Variants in FRMPD4 observed in about 807,000 individuals in gnomAD.
FRMPD4 encodes the protein FERM and PDZ domain-containing protein 4.
In FRMPD4, 22 loss-of-function variants were observed where a neutral mutation model predicts 94.1. The ratio of observed to expected loss-of-function variants is 0.23; its 90% CI spans 0.17 to 0.33. The LOEUF (loss-of-function observed/expected upper bound fraction) is 0.33, where lower values mean the gene tolerates loss of function less well. Among genes scored for constraint, FRMPD4 ranks in the 10% least tolerant of loss-of-function variants. The probability of loss-of-function intolerance (pLI) is 1.00; values close to 1 mark genes in which losing one functional copy is unlikely to be tolerated. For missense variants in FRMPD4, 1,111 were observed against 1,339.9 expected (o/e 0.83, Z 2.67); for synonymous variants, 631 against 548.6 (o/e 1.15, Z -2.10).
intron 3 of FRMPD4, among the ~76,000 whole-genome samples, chrX:12,097,661 A>T (rs1302363470): frequency 1.8e-5 from 2 of 112,476 alleles, no homozygotes; most frequent in Admixed American, 1.9e-4. Context: ...AGAACAATGC[A>T]ACTGGAATAA....
At chrX:11,909,834 G>T (rs928548938) in intron 3 of FRMPD4, among the ~76,000 whole-genome samples, 5 of 110,170 alleles carry the variant, frequency 4.5e-5, no homozygotes, top group African/African-American at 1.3e-4. Flanking sequence ...ATGTGTGAGA[G>T]ATTTTCCTAG....
chrX:12,088,589 C>T (rs1005541847), intron 3 of FRMPD4, among the ~76,000 whole-genome samples: 1 of 111,771 alleles, frequency 8.9e-6, no homozygotes, highest in Non-Finnish European at 1.9e-5. Context: ...AGTGTGTTTA[C>T]CAAAAGACTA....
Position 12,583,581 on chromosome X carries a change from C to A in FRMPD4, c.159-26140C>A, listed in dbSNP as rs1268739129. 1.8e-5 allele frequency: 12 copies of A among 660,394 alleles called. No homozygotes were observed. In the South Asian group the frequency reaches 2.1e-4, roughly 11 times the overall value. 54.4% of individuals were successfully genotyped at this position (660,394 alleles called of 1,213,427 possible). ...CCAGCGCAAGCCAGGCCTAACCGCACCAGCTGAGCCTCAGTGCTGGTAAAG... is the reference window on the plus strand; with the variant it reads ...CCAGCGCAAGCCAGGCCTAACCGCAACAGCTGAGCCTCAGTGCTGGTAAAG... On this transcript the variant is annotated intron_variant, in intron 2 of 16. Coordinates refer to ENST00000675598, the MANE Select transcript of FRMPD4 (RefSeq NM_001368397.1).
At chrX:12,528,570 G>A (rs748951359) in intron 2 of FRMPD4, among the ~76,000 whole-genome samples, 9 of 110,405 alleles carry the variant, frequency 8.2e-5, no homozygotes, top group East Asian at 5.7e-4. Flanking sequence ...CACCCACCTC[G>A]GCCTCCCAAA....
intron 1 of FRMPD4, among the ~76,000 whole-genome samples, chrX:12,182,921 A>G (rs2056378707): frequency 9.0e-6 from 1 of 111,549 alleles, no homozygotes; most frequent in African/African-American, 3.3e-5. Flanking sequence ...AATGTCTGCC[A>G]TGGTTCATGC....
intron 13 of FRMPD4, among the ~76,000 whole-genome samples, chrX:12,709,119 C>T (rs2041935077): frequency 8.9e-6 from 1 of 111,736 alleles, no homozygotes; most frequent in African/African-American, 3.3e-5. Context: ...CGGCCGATGG[C>T]GTCCTGCCTA....
intron 3 of FRMPD4, among the ~76,000 whole-genome samples, chrX:12,078,845 C>G (rs1374581503): frequency 9.0e-6 from 1 of 111,724 alleles, no homozygotes. Context: ...CTAAAAATGT[C>G]TCCAGACACT....
chrX:12,171,695 G>A (rs1290828746), intron 1 of FRMPD4, among the ~76,000 whole-genome samples: 2 of 112,181 alleles, frequency 1.8e-5, no homozygotes, highest in Non-Finnish European at 3.8e-5. Context: ...GTTCTTTGAT[G>A]CAAGCCGATG....
At chrX:12,124,216 A>G (rs939938139) in intron 3 of FRMPD4, among the ~76,000 whole-genome samples, 10 of 112,381 alleles carry the variant, frequency 8.9e-5, no homozygotes, top group Non-Finnish European at 1.7e-4. Context: ...CTTGTAAGAG[A>G]AGGTTTGGTC....
chrX:12,583,984 G>A (rs2058896288), intron 2 of FRMPD4, among the ~76,000 whole-genome samples: 1 of 111,755 alleles, frequency 8.9e-6, no homozygotes, highest in Admixed American at 9.5e-5. Context: ...CGGCCCTAAG[G>A]AGCAGGACCC....
intron 1 of FRMPD4, among the ~76,000 whole-genome samples, chrX:12,176,097 A>C (rs1473641857): frequency 1.8e-5 from 2 of 111,883 alleles, no homozygotes; most frequent in Non-Finnish European, 3.8e-5. Flanking sequence ...CACAGAACAG[A>C]GTTGGGAAGA....
chrX:12,366,981 A>G (rs759570573), intron 1 of FRMPD4, among the ~76,000 whole-genome samples: 1 of 110,938 alleles, frequency 9.0e-6, no homozygotes, highest in East Asian at 2.8e-4. Context: ...TGGCCAGGGC[A>G]GGGAATATCA....
intron 1 of FRMPD4, among the ~76,000 whole-genome samples, chrX:12,297,988 C>T (rs918423206): frequency 9.0e-6 from 1 of 111,156 alleles, no homozygotes; most frequent in Non-Finnish European, 1.9e-5. Flanking sequence ...AATGATGCAG[C>T]TAATAATCAT....
At chrX:12,418,103 A>G (rs1257039505) in intron 1 of FRMPD4, among the ~76,000 whole-genome samples, 1 of 110,429 alleles carries the variant, frequency 9.1e-6, no homozygotes, top group Non-Finnish European at 1.9e-5. Flanking sequence ...AAAGGTTCAG[A>G]ACCCTTGCTG....
intron 4 of FRMPD4, among the ~76,000 whole-genome samples, chrX:12,648,536 C>G (rs972847682): frequency 8.9e-6 from 1 of 112,031 alleles, no homozygotes; most frequent in African/African-American, 3.2e-5. Context: ...CTGTCAAATT[C>G]TGCCCTGCCA....
intron 1 of FRMPD4, among the ~76,000 whole-genome samples, chrX:12,348,441 G>A (rs2055748671): frequency 9.0e-6 from 1 of 111,047 alleles, no homozygotes; most frequent in Non-Finnish European, 1.9e-5. Flanking sequence ...GAGAAGAAAT[G>A]GGGGCTCCCT....
chrX:12,389,799 G>A (rs1280842936), intron 1 of FRMPD4, among the ~76,000 whole-genome samples: 2 of 111,750 alleles, frequency 1.8e-5, no homozygotes, highest in Non-Finnish European at 3.8e-5. Context: ...CTTAACATGT[G>A]CTGGGTACTA....
intron 3 of FRMPD4, among the ~76,000 whole-genome samples, chrX:11,903,151 C>A (rs899611851): frequency 1.8e-5 from 2 of 112,090 alleles, no homozygotes; most frequent in African/African-American, 6.5e-5. Flanking sequence ...TAATCTACCA[C>A]TGGACATTTT....
chrX:11,988,334 G>A (rs747983859), intron 3 of FRMPD4, among the ~76,000 whole-genome samples: 1 of 111,801 alleles, frequency 8.9e-6, no homozygotes, highest in Non-Finnish European at 1.9e-5. Context: ...AATACATTAG[G>A]GGAAAAGACA....
Sources: allele counts gnomAD v4.1 joint callset (sites outside exome capture counted in the v4.1 genomes callset), GRCh38; gene constraint gnomAD v4.1.1; transcripts MANE v1.5; gene names NCBI Gene and HGNC (gene_info 2026-07-23, HGNC 2026-07-21).